Variants in KANK1 observed in about 807,000 individuals in gnomAD.
KANK1 encodes KN motif and ankyrin repeat domains 1.
Under a neutral mutation model 106.2 loss-of-function variants are expected in KANK1, and 109 were observed. The ratio of observed to expected loss-of-function variants is 1.03; its 90% CI spans 0.88 to 1.20. The LOEUF (loss-of-function observed/expected upper bound fraction) is 1.20, where lower values mean the gene tolerates loss of function less well. Ranked by LOEUF, KANK1 falls within the 50% of genes most tolerant of loss-of-function variation. The pLI is 0.00. For synonymous variants in KANK1, 873 were observed against 652.2 expected (o/e 1.34, Z -5.16); for missense variants, 2,399 against 1,710.7 (o/e 1.40, Z -7.10).
At position 693,697 on chromosome 9, in the gene KANK1, A is replaced by C. The variant is rs1820535130; in HGVS notation, c.37+16688A>C. The C allele has an allele frequency of 3.0e-6, 3 of 985,252 alleles. No individual in the cohort carries two copies. The South Asian group carries it at 1.4e-4, about 46-fold the overall frequency. 61.0% of individuals were successfully genotyped at this position (985,252 alleles called of 1,614,324 possible). On this transcript the variant is annotated intron_variant, in intron 2 of 11. Transcript: ENST00000382297. ...CAGCTCCTGGGCTCTTTGCCTGCTAATGTGTGGAGTCCCTTTAATGCTGAG... is the reference window on the plus strand; with the variant it reads ...CAGCTCCTGGGCTCTTTGCCTGCTACTGTGTGGAGTCCCTTTAATGCTGAG...
intron 1 of KANK1, among the ~76,000 whole-genome samples, chr9:573,397 G>A (rs1409578934): frequency 6.6e-6 from 1 of 152,066 alleles, no homozygotes; most frequent in Non-Finnish European, 1.5e-5. Context: ...AGCTTCCCGA[G>A]TAGCTGGGAC....
At chr9:728,172 G>A (rs190391709) in intron 3 of KANK1, among the ~76,000 whole-genome samples, 5 of 152,188 alleles carry the variant, frequency 3.3e-5, no homozygotes, top group East Asian at 1.9e-4. Flanking sequence ...TTTCTTCGAT[G>A]TATTTTGTCT....
rs144038355 is a variant in KANK1, at chr9:687,035, C to CTTTTT, written c.37+10031_37+10035dup. On this transcript the variant is annotated intron_variant, in intron 2 of 11. Transcript: ENST00000382297. ...GATACTGCTGAATTTCTTTTCTTTT[C>CTTTTT]TTTTTTTTTAATACTGCTGCATTTC... The CTTTTT allele has an allele frequency of 2.5e-4, 154 of 627,974 alleles. No homozygotes were observed. The African/African-American group carries it at 3.0e-3, about 12-fold the overall frequency. 38.9% of individuals were successfully genotyped at this position (627,974 alleles called of 1,614,324 possible).
At position 596,293 on chromosome 9, in the gene KANK1, C is replaced by G. The variant is rs147482945; in HGVS notation, c.-83-80597C>G. 3.8e-4 allele frequency among the ~76,000 whole-genome samples: 57 copies of G among 151,856 alleles called. 1 individual carries two copies. The highest frequency in any genetic ancestry group is 1.3e-3 in the African/African-American group (55 of 41,170). On this transcript the variant is annotated intron_variant, in intron 1 of 11. Coordinates refer to ENST00000382297, the MANE Select transcript of KANK1 (RefSeq NM_015158.5). ...TAGTAAATATTTTTTGAGTTCCTAC[C>G]CACATCCCTGTGTATGGGCTCTAGA...
rs1478503162 is a variant in KANK1 at position 600,800 on chromosome 9, C to T, written c.-83-76090C>T. The stretch of plus-strand genomic sequence containing the variant: ...ACAGATTCTGTGAATACCCAGTGTT[C>T]GCTTCTTTTGCACTTTCCAAGAAAG... On this transcript the variant is annotated intron_variant, in intron 1 of 11. Transcript: ENST00000382297. Among the ~76,000 whole-genome samples, 3 of 151,798 alleles carry T rather than the reference C, an allele frequency of 2.0e-5. 1 individual carries two copies. The highest frequency in any genetic ancestry group is 7.3e-5 in the African/African-American group (3 of 41,090).
chr9:596,975 C>T (rs915436911), intron 1 of KANK1, among the ~76,000 whole-genome samples: 1 of 151,892 alleles, frequency 6.6e-6, no homozygotes, highest in African/African-American at 2.4e-5. Flanking sequence ...CTAGATACCA[C>T]ATGTAAAATA....
chr9:557,086 G>C (rs2061637281), intron 1 of KANK1, among the ~76,000 whole-genome samples: 1 of 151,810 alleles, frequency 6.6e-6, no homozygotes, highest in Non-Finnish European at 1.5e-5. Flanking sequence ...GAGAGGCCAA[G>C]GCAGGAGGAT....
chr9:621,907 G>A lies in KANK1; in HGVS notation c.-83-54983G>A, dbSNP rs1194019477. Among the ~76,000 whole-genome samples, 3 of 152,112 alleles carry A rather than the reference G, an allele frequency of 2.0e-5. No homozygotes were observed. In the East Asian group the frequency reaches 5.8e-4, roughly 29 times the overall value. On this transcript the variant is annotated intron_variant, in intron 1 of 11. Transcript: ENST00000382297. ...GATGAAATCCAAATGCTCCACCAAA[G>A]GGCTTTGGTTTGTTCTGGGGAGCCC...
intron 1 of KANK1, among the ~76,000 whole-genome samples, chr9:648,835 A>T (rs1209347475): frequency 6.6e-6 from 1 of 152,220 alleles, no homozygotes; most frequent in Non-Finnish European, 1.5e-5. Flanking sequence ...TTTAAAATAG[A>T]AGCTGGGAGA....
chr9:693,388 A>G (rs1820460481), intron 2 of KANK1: 1 of 985,134 alleles, frequency 1.0e-6, no homozygotes, highest in African/African-American at 1.7e-5. Context: ...ACAAACAATG[A>G]GGAAACATTT....
At chr9:737,238 C>G (rs1258103573) in intron 7 of KANK1, among the ~76,000 whole-genome samples, 2 of 152,162 alleles carry the variant, frequency 1.3e-5, no homozygotes, top group South Asian at 2.1e-4. Flanking sequence ...AAAAAGGACA[C>G]TCTTCAAGTG....
chr9:622,132 C>T (rs1264813378), intron 1 of KANK1, among the ~76,000 whole-genome samples: 1 of 152,130 alleles, frequency 6.6e-6, no homozygotes, highest in Admixed American at 6.5e-5. Context: ...AAAAGGGGGA[C>T]AAGGAATGGT....
chr9:710,801 T>C lies in KANK1; in HGVS notation c.38-3T>C. The stretch of plus-strand genomic sequence containing the variant: ...TTATAATATTCTTTTCTCCCTCTTC[T>C]AGGAAAAGCAGGTGATATTCTCAGT... On this transcript the variant is annotated splice_region_variant and splice_polypyrimidine_tract_variant and intron_variant, in intron 2 of 11. Transcript: ENST00000382297. 3 of 1,570,292 alleles carry C rather than the reference T, an allele frequency of 1.9e-6. No individual in the cohort carries two copies. The highest frequency in any genetic ancestry group is 2.6e-6 in the Non-Finnish European group (3 of 1,163,194).
At chr9:518,898 T>G (rs10974961) in intron 1 of KANK1, among the ~76,000 whole-genome samples, 12,360 of 151,380 alleles carry the variant, frequency 0.082, 1,962 homozygotes, top group African/African-American at 0.28. Flanking sequence ...AATTTTTTTT[T>G]TTTTGTTTTG....
At chr9:529,845 A>G (rs533376976) in intron 1 of KANK1, among the ~76,000 whole-genome samples, 1 of 152,246 alleles carries the variant, frequency 6.6e-6, no homozygotes, top group South Asian at 2.1e-4. Flanking sequence ...TACTTCTCAC[A>G]GATGTTACTC....
intron 2 of KANK1, among the ~76,000 whole-genome samples, chr9:680,509 A>G (rs1480024103): frequency 1.3e-5 from 2 of 152,218 alleles, no homozygotes; most frequent in African/African-American, 2.4e-5. Flanking sequence ...TTATATAACA[A>G]GCACCTTTGT....
At chr9:517,759 G>A (rs915257624) in intron 1 of KANK1, among the ~76,000 whole-genome samples, 3 of 132,358 alleles carry the variant, frequency 2.3e-5, no homozygotes, top group African/African-American at 8.6e-5. Context: ...TTTTTTTTGA[G>A]ACAGAGTCTC....
chr9:552,993 A>G (rs536962246), intron 1 of KANK1, among the ~76,000 whole-genome samples: 3 of 152,254 alleles, frequency 2.0e-5, no homozygotes, highest in African/African-American at 7.2e-5. Context: ...AAAAAATTAG[A>G]AAATTATCCA....
At chr9:482,424 A>C (rs1023930197) in intron 3 of KANK1, among the ~76,000 whole-genome samples, 1 of 152,186 alleles carries the variant, frequency 6.6e-6, no homozygotes. Context: ...ATGGCTTACA[A>C]CGTGCCAGAA....
Sources: allele counts gnomAD v4.1 joint callset (sites outside exome capture counted in the v4.1 genomes callset), GRCh38; gene constraint gnomAD v4.1.1; transcripts MANE v1.5; gene names NCBI Gene and HGNC (gene_info 2026-07-23, HGNC 2026-07-21).